Variants in GLIS3 observed in about 807,000 individuals in gnomAD.
GLIS3 encodes GLIS family zinc finger 3.
In GLIS3, 53 loss-of-function variants were observed where a neutral mutation model predicts 78.6. The observed-to-expected ratio is 0.67, with a 90% CI of 0.54 to 0.85. GLIS3 has a LOEUF of 0.85. GLIS3 is among the 40% of genes least tolerant of loss of function. The pLI, the probability that GLIS3 is intolerant of heterozygous loss-of-function variation, is 0.00. For missense variants in GLIS3, 1,703 were observed against 1,231.1 expected, an observed-to-expected ratio of 1.38 and a Z score of -5.74; for synonymous variants, 684 against 509.9, an observed-to-expected ratio of 1.34 and a Z score of -4.60.
chr9:4,432,216 T>C, the GLIS3 span, among the ~76,000 whole-genome samples: 2 of 152,186 alleles, frequency 1.3e-5, no homozygotes, highest in Non-Finnish European at 2.9e-5. Context: ...GGTCAGTGTA[T>C]AGGAGTTGCC....
chr9:4,100,252 T>C (rs1283869821), intron 4 of GLIS3, among the ~76,000 whole-genome samples: 1 of 152,176 alleles, frequency 6.6e-6, no homozygotes, highest in African/African-American at 2.4e-5. Context: ...TTGGCCCCGC[T>C]CCCTGCCAGG....
chr9:4,282,002 G>C (rs1216017399), intron 2 of GLIS3, among the ~76,000 whole-genome samples: 1 of 152,130 alleles, frequency 6.6e-6, no homozygotes, highest in Admixed American at 6.6e-5. Context: ...GTTTTCAACT[G>C]AGCAGAACTC....
chr9:4,086,711 T>A lies in GLIS3; in HGVS notation c.1710+31057A>T, dbSNP rs193129824. Among the ~76,000 whole-genome samples the A allele has an allele frequency of 8.9e-4, 136 of 152,336 alleles. 2 individuals carry two copies. The highest frequency in any genetic ancestry group is 2.5e-3 in the African/African-American group (103 of 41,584). ...AATGTACCACTTGTCAAAACAGTGC[T>A]GAGCAGGCTCTACAGCATGTGCCGG... On this transcript the variant is annotated intron_variant, in intron 4 of 10. Coordinates refer to ENST00000381971, the MANE Select transcript of GLIS3 (RefSeq NM_001042413.2).
intron 4 of GLIS3, among the ~76,000 whole-genome samples, chr9:3,974,283 T>C (rs968650367): frequency 9.2e-5 from 14 of 152,182 alleles, no homozygotes; most frequent in Admixed American, 3.9e-4. Context: ...ACAAAGAGAC[T>C]ATGGTTTAGT....
intron 4 of GLIS3, among the ~76,000 whole-genome samples, chr9:3,942,003 T>C (rs146874389): frequency 3.3e-5 from 5 of 152,200 alleles, no homozygotes; most frequent in Admixed American, 3.3e-4. Flanking sequence ...GTTCTAAAAA[T>C]GAAAGGCTCA....
the GLIS3 span, among the ~76,000 whole-genome samples, chr9:4,365,192 G>A: frequency 4.6e-3 from 693 of 152,240 alleles, 8 homozygotes; most frequent in African/African-American, 0.015. Flanking sequence ...AAAGGTAGTT[G>A]GAATAGAGAT....
At chr9:3,914,211 TC>T (rs1824345594) in intron 6 of GLIS3, among the ~76,000 whole-genome samples, 1 of 152,152 alleles carries the variant, frequency 6.6e-6, no homozygotes, top group African/African-American at 2.4e-5. Flanking sequence ...AATGGCGTGA[TC>T]ATAGCTCACT....
intron 4 of GLIS3, among the ~76,000 whole-genome samples, chr9:4,018,654 C>T (rs765225462): frequency 2.0e-4 from 30 of 152,216 alleles, no homozygotes; most frequent in Non-Finnish European, 4.0e-4. Context: ...TTCTCAACTG[C>T]GTTCCACCTA....
chr9:4,293,784 T>C lies in GLIS3; in HGVS notation c.-99+5637A>G, dbSNP rs149506971. 3.8e-3 allele frequency among the ~76,000 whole-genome samples: 579 copies of C among 152,318 alleles called. 2 individuals are homozygous for C. Among genetic ancestry groups the C allele is most frequent in the Non-Finnish European group, 6.0e-3 (406 of 68,032 alleles). ...GCATAGGACAGGATCTGATCTTGCA[T>C]TGTGACGCTATCTGCCCATCTGCAG... is the stretch of plus-strand genomic sequence containing the variant. On this transcript the variant is annotated intron_variant, in intron 1 of 10. Transcript: ENST00000381971.
intron 2 of GLIS3, among the ~76,000 whole-genome samples, chr9:4,243,607 T>A (rs1823531302): frequency 6.6e-6 from 1 of 152,220 alleles, no homozygotes; most frequent in Admixed American, 6.5e-5. Context: ...AGCCTAGACC[T>A]TGGAAGAAAG....
At chr9:4,037,324 A>G (rs541461080) in intron 4 of GLIS3, among the ~76,000 whole-genome samples, 10 of 152,284 alleles carry the variant, frequency 6.6e-5, no homozygotes, top group Admixed American at 2.0e-4. Flanking sequence ...ACCACAGGCA[A>G]ATTACTAACC....
chr9:3,971,329 G>C (rs1488303555), intron 4 of GLIS3, among the ~76,000 whole-genome samples: 2 of 152,162 alleles, frequency 1.3e-5, no homozygotes, highest in Non-Finnish European at 2.9e-5. Context: ...TGCTTTAATG[G>C]TGTCACTGGC....
At chr9:3,960,729 C>T (rs1469940887) in intron 4 of GLIS3, among the ~76,000 whole-genome samples, 2 of 152,190 alleles carry the variant, frequency 1.3e-5, no homozygotes, top group African/African-American at 2.4e-5. Flanking sequence ...AAAACTAGCA[C>T]GTGGTGAATC....
intron 2 of GLIS3, among the ~76,000 whole-genome samples, chr9:4,172,893 T>C (rs558836820): frequency 2.4e-4 from 36 of 152,302 alleles, no homozygotes; most frequent in Middle Eastern, 6.8e-3. Flanking sequence ...CATTTAAAGA[T>C]CAGGCTATCA....
chr9:4,270,743 C>A (rs1312273632), intron 2 of GLIS3, among the ~76,000 whole-genome samples: 1 of 152,240 alleles, frequency 6.6e-6, no homozygotes, highest in Non-Finnish European at 1.5e-5. Context: ...CATTGGTCTC[C>A]TTCTGCCTTC....
intron 10 of GLIS3, 114 bp downstream of exon 10, chr9:3,829,196 G>C (rs1186472711): frequency 1.6e-5 from 14 of 877,086 alleles, no homozygotes; most frequent in South Asian, 1.5e-4. Flanking sequence ...TCGTTCAACA[G>C]GATTTGATGC....
At chr9:4,363,683 G>A in the GLIS3 span, among the ~76,000 whole-genome samples, 1 of 152,276 alleles carries the variant, frequency 6.6e-6, no homozygotes, top group South Asian at 2.1e-4. Context: ...ATTTTCAACA[G>A]ATAGGCACTC....
rs1393479284 is a variant in GLIS3 at position 3,898,845 on chromosome 9, C to CA, written c.1984-11dup. ...CTGTGCTGGACCGCAACTAAGAGGA[C>CA]AAAACGGAAGAGACATCGATAAGGA... is the stretch of plus-strand genomic sequence containing the variant. On this transcript the variant is annotated splice_polypyrimidine_tract_variant and intron_variant, in intron 6 of 10. Transcript: ENST00000381971. The CA allele has an allele frequency of 1.2e-6, 2 of 1,613,896 alleles. No homozygotes were observed. The highest frequency in any genetic ancestry group is 4.5e-5 in the East Asian group (2 of 44,876).
chr9:4,202,989 A>G (rs1387491220), intron 2 of GLIS3, among the ~76,000 whole-genome samples: 2 of 152,260 alleles, frequency 1.3e-5, no homozygotes, highest in Non-Finnish European at 2.9e-5. Flanking sequence ...TAATTAAACT[A>G]AAGAACTTCT....
Sources: allele counts gnomAD v4.1 joint callset (sites outside exome capture counted in the v4.1 genomes callset), GRCh38; gene constraint gnomAD v4.1.1; transcripts MANE v1.5; gene names NCBI Gene and HGNC (gene_info 2026-07-23, HGNC 2026-07-21).